The following PRKAG2 variants were observed in gnomAD, a reference collection of about 807,000 sequenced individuals.
PRKAG2 encodes the protein 5'-AMP-activated protein kinase subunit gamma-2.
Under a neutral mutation model 69.6 loss-of-function variants are expected in PRKAG2, and 26 were observed. The ratio of observed to expected loss-of-function variants is 0.37; its 90% CI spans 0.27 to 0.52. The LOEUF (loss-of-function observed/expected upper bound fraction) is 0.52, where lower values mean the gene tolerates loss of function less well. Ranked by LOEUF, PRKAG2 falls within the 20% of genes least tolerant of loss-of-function variation. PRKAG2 has a pLI of 0.90. For synonymous variants in PRKAG2, 293 were observed against 285.0 expected (o/e 1.03, Z -0.28); for missense variants, 557 against 740.0 (o/e 0.75, Z 2.87).
intron 15 of PRKAG2, 174 bp downstream of exon 15, chr7:151,560,350 G>A (rs767842532): frequency 9.9e-6 from 15 of 1,521,914 alleles, no homozygotes; most frequent in Middle Eastern, 1.7e-4. Context: ...CCTCACTCAC[G>A]CAGAACACTT....
chr7:151,708,842 G>T (rs1377782277), intron 3 of PRKAG2, among the ~76,000 whole-genome samples: 1 of 152,210 alleles, frequency 6.6e-6, no homozygotes, highest in Non-Finnish European at 1.5e-5. Flanking sequence ...GCCTGGTGCT[G>T]CCACCTGACA....
intron 3 of PRKAG2, among the ~76,000 whole-genome samples, chr7:151,703,910 A>ACACACACACACACACAC (rs1563476684): frequency 3.7e-5 from 5 of 135,070 alleles, no homozygotes; most frequent in African/African-American, 6.3e-5. Context: ...ACACACACAC[A>ACACACACACACACACAC]AATTAGCTAG....
chr7:151,626,867 G>C, intron 5 of PRKAG2, among the ~76,000 whole-genome samples: 1 of 151,524 alleles, frequency 6.6e-6, no homozygotes, highest in East Asian at 1.9e-4. Context: ...CTGTGTATTT[G>C]TTCATGTGCC....
In PRKAG2 at chr7:151,667,839, T is replaced by C. The variant is rs187970221; in HGVS notation, c.684+7581A>G. Among the ~76,000 whole-genome samples, 3 of 152,306 alleles carry C rather than the reference T, an allele frequency of 2.0e-5. No individual in the cohort carries two copies. In the East Asian group the frequency reaches 5.8e-4, roughly 29 times the overall value. Reference sequence around the variant, plus strand: ...GTAACCTGGTAGGTGACCAAAGATGTAGTATGAATAAGCACAGTCAAGACC... The same window carrying C: ...GTAACCTGGTAGGTGACCAAAGATGCAGTATGAATAAGCACAGTCAAGACC... On this transcript the variant is annotated intron_variant, in intron 4 of 15. Transcript: ENST00000287878.
chr7:151,579,549 G>A (rs1251456768), intron 6 of PRKAG2, among the ~76,000 whole-genome samples: 1 of 152,152 alleles, frequency 6.6e-6, no homozygotes, highest in Non-Finnish European at 1.5e-5. Context: ...GGGCCCTGGA[G>A]TGCATCAACA....
At chr7:151,755,337 A>G (rs1349085434) in intron 3 of PRKAG2, among the ~76,000 whole-genome samples, 1 of 152,038 alleles carries the variant, frequency 6.6e-6, no homozygotes, top group African/African-American at 2.4e-5. Context: ...CCTAGGGGAC[A>G]TGCTCAGCAT....
At chr7:151,668,657 C>T (rs569313932) in intron 4 of PRKAG2, among the ~76,000 whole-genome samples, 33 of 152,328 alleles carry the variant, frequency 2.2e-4, no homozygotes, top group African/African-American at 7.5e-4. Flanking sequence ...GCACAAAATC[C>T]AGCTGTCTTG....
chr7:151,600,639 G>T (rs1373894610), intron 5 of PRKAG2, among the ~76,000 whole-genome samples: 1 of 152,056 alleles, frequency 6.6e-6, no homozygotes, highest in African/African-American at 2.4e-5. Context: ...TCCACATCTG[G>T]CTTCTCCGCA....
At chr7:151,839,036 A>G (rs927987275) in intron 1 of PRKAG2, among the ~76,000 whole-genome samples, 2 of 151,540 alleles carry the variant, frequency 1.3e-5, no homozygotes, top group African/African-American at 2.4e-5. Context: ...AAAAAATAGA[A>G]AAGGGGCAGC....
rs192283174 is a variant in PRKAG2, at chr7:151,831,521, A to C, written c.115-44980T>G. On this transcript the variant is annotated intron_variant, in intron 1 of 15. Coordinates refer to ENST00000287878, the MANE Select transcript of PRKAG2 (RefSeq NM_016203.4). ...GTTTCCCTCACTTAATTCTCCCAAG[A>C]GGTGGCCCATTAAAGTGGTTTCTGG... Among the ~76,000 whole-genome samples the C allele has an allele frequency of 7.9e-4, 120 of 152,330 alleles. 1 individual carries two copies. Among genetic ancestry groups the C allele is most frequent in the African/African-American group, 2.6e-3 (109 of 41,584 alleles).
At chr7:151,618,776 T>G (rs1820780046) in intron 5 of PRKAG2, among the ~76,000 whole-genome samples, 1 of 151,992 alleles carries the variant, frequency 6.6e-6, no homozygotes, top group South Asian at 2.1e-4. Context: ...AAAAATAAAA[T>G]AAAATAAAAA....
At position 151,835,436 on chromosome 7, in the gene PRKAG2, C is replaced by T. The variant is rs1303976104; in HGVS notation, c.114+41071G>A. On this transcript the variant is annotated intron_variant, in intron 1 of 15. Coordinates refer to ENST00000287878, the MANE Select transcript of PRKAG2 (RefSeq NM_016203.4). This position sits in a 1 kb window ranked among gnomAD's most constrained non-coding sequence, Gnocchi z 4.1. ...CTCGAACTCCTTGGCTCAAGTGATC[C>T]TCCCACCTCGGCCCCACAAAGTGCT... 3.3e-5 allele frequency among the ~76,000 whole-genome samples: 5 copies of T among 151,992 alleles called. No individual in the cohort carries two copies. The highest frequency in any genetic ancestry group is 2.1e-4 in the South Asian group (1 of 4,818).
At chr7:151,617,250 G>A (rs1223977054) in intron 5 of PRKAG2, among the ~76,000 whole-genome samples, 1 of 118,424 alleles carries the variant, frequency 8.4e-6, no homozygotes, top group East Asian at 2.6e-4. Flanking sequence ...ACAAGAGCAA[G>A]GGAAGGAGCG....
intron 4 of PRKAG2, among the ~76,000 whole-genome samples, chr7:151,669,890 A>ACACACACCTGCATG (rs1831641357): frequency 2.7e-5 from 4 of 150,850 alleles, no homozygotes; most frequent in African/African-American, 9.8e-5. Flanking sequence ...AGTTGCATGC[A>ACACACACCTGCATG]CACACACCTG....
At chr7:151,741,665 ACT>A (rs1218968970) in intron 3 of PRKAG2, among the ~76,000 whole-genome samples, 6 of 127,260 alleles carry the variant, frequency 4.7e-5, no homozygotes, top group Non-Finnish European at 8.0e-5. Flanking sequence ...CAAAAGCAAA[ACT>A]CTGTCTCAAA....
chr7:151,703,470 G>A (rs906275093), intron 3 of PRKAG2, among the ~76,000 whole-genome samples: 3 of 151,974 alleles, frequency 2.0e-5, no homozygotes, highest in African/African-American at 4.8e-5. Context: ...ACAACTCAAG[G>A]AACTTCTCCC....
chr7:151,618,175 G>A (rs1050664851), intron 5 of PRKAG2, among the ~76,000 whole-genome samples: 4 of 152,076 alleles, frequency 2.6e-5, no homozygotes, highest in Non-Finnish European at 5.9e-5. Context: ...AAATAAGGTC[G>A]GGCGTGGTGG....
At chr7:151,769,487 T>G (rs1166274565) in intron 3 of PRKAG2, among the ~76,000 whole-genome samples, 2 of 152,208 alleles carry the variant, frequency 1.3e-5, no homozygotes, top group African/African-American at 4.8e-5. Context: ...AGGCTGAAGT[T>G]ACGCATCTAC....
intron 3 of PRKAG2, among the ~76,000 whole-genome samples, chr7:151,765,335 C>G (rs529363598): frequency 2.0e-4 from 30 of 152,126 alleles, no homozygotes; most frequent in Admixed American, 3.9e-4. Context: ...AACCAGATCT[C>G]GTGAGAACTC....
Sources: gnomAD v4.1 joint callset for allele counts (sites outside exome capture counted in the v4.1 genomes callset) on GRCh38, gnomAD v4.1.1 for gene constraint, Gnocchi (gnomAD v3.1) non-coding constraint, MANE v1.5 for transcripts, NCBI Gene and HGNC (gene_info 2026-07-23, HGNC 2026-07-21) for gene names.